Variants in RAP1GDS1 observed in about 807,000 individuals in gnomAD.
RAP1GDS1 encodes Rap1 GTPase-GDP dissociation stimulator 1, also known as RAP1, GTP-GDP dissociation stimulator 1.
Under a neutral mutation model 71.1 loss-of-function variants are expected in RAP1GDS1, and 35 were observed. The observed-to-expected ratio is 0.49, with a 90% confidence interval of 0.38 to 0.65. The LOEUF is 0.65. Among genes scored for constraint, RAP1GDS1 ranks in the 30% least tolerant of loss-of-function variants. RAP1GDS1 has a pLI of 0.00. For missense variants in RAP1GDS1, 663 were observed against 706.1 expected (o/e 0.94, Z 0.69); for synonymous variants, 229 against 243.1 (o/e 0.94, Z 0.54).
chr4:98,306,580 A>G (rs1415469119), intron 2 of RAP1GDS1, among the ~76,000 whole-genome samples: 1 of 152,230 alleles, frequency 6.6e-6, no homozygotes, highest in Non-Finnish European at 1.5e-5. Flanking sequence ...AGACATGTAA[A>G]TTGGCATTTT....
intron 5 of RAP1GDS1, among the ~76,000 whole-genome samples, chr4:98,389,251 T>TC (rs1223229070): frequency 6.6e-6 from 1 of 152,186 alleles, no homozygotes; most frequent in Admixed American, 6.5e-5. Flanking sequence ...GAGGCCTCTT[T>TC]CTTTGTCCAT....
chr4:98,402,788 C>CA (rs1278546897), intron 6 of RAP1GDS1, among the ~76,000 whole-genome samples: 1 of 152,168 alleles, frequency 6.6e-6, no homozygotes, highest in African/African-American at 2.4e-5. Context: ...TCATTTTGGA[C>CA]ACCTGCTTTA....
chr4:98,428,720 G>C (rs144817469), intron 12 of RAP1GDS1, among the ~76,000 whole-genome samples: 9 of 152,250 alleles, frequency 5.9e-5, no homozygotes, highest in African/African-American at 2.2e-4. Flanking sequence ...AGTGAATAGG[G>C]AATACTTCTA....
chr4:98,279,065 A>G (rs972466795), intron 1 of RAP1GDS1, among the ~76,000 whole-genome samples: 2 of 152,136 alleles, frequency 1.3e-5, no homozygotes, highest in South Asian at 4.1e-4. Flanking sequence ...TACTAAAAAT[A>G]CAAAAAAAAT....
In RAP1GDS1 at chr4:98,308,295, CACTATA is replaced by C. The variant is rs1345020679; in HGVS notation, c.112+14781_112+14786del. On this transcript the variant is annotated intron_variant, in intron 2 of 14. Coordinates refer to ENST00000408927, the MANE Select transcript of RAP1GDS1 (RefSeq NM_001100427.2). ...CCACACACATATATATACACACACA[CACTATA>C]TATATATATATATATATATATATAT... is the stretch of plus-strand genomic sequence containing the variant. 4.8e-3 allele frequency among the ~76,000 whole-genome samples: 349 copies of C among 72,102 alleles called. 2 individuals carry two copies. Among genetic ancestry groups the C allele is most frequent in the African/African-American group, 0.02 (339 of 16,762 alleles). The allele number at this position is 72,102 out of a possible 152,430, so 47.3% of individuals were successfully genotyped here.
intron 12 of RAP1GDS1, among the ~76,000 whole-genome samples, chr4:98,427,736 C>A (rs976171220): frequency 8.5e-5 from 13 of 152,062 alleles, no homozygotes; most frequent in African/African-American, 3.1e-4. Context: ...GAAAACACAT[C>A]CAATGCTCAC....
chr4:98,395,041 G>GA (rs1270075441), intron 6 of RAP1GDS1, among the ~76,000 whole-genome samples: 1 of 152,044 alleles, frequency 6.6e-6, no homozygotes, highest in Non-Finnish European at 1.5e-5. Context: ...TCTGGCTTTT[G>GA]AAAAATACAG....
At chr4:98,363,478 C>CAAAAAAAAAAAAAAAAAAAAAAAA (rs34393905) in intron 4 of RAP1GDS1, among the ~76,000 whole-genome samples, 12 of 37,734 alleles carry the variant, frequency 3.2e-4, no homozygotes, top group African/African-American at 1.2e-3. Flanking sequence ...GACCCTGTCT[C>CAAAAAAAAAAAAAAAAAAAAAAAA]AAAAAAAAAA....
At chr4:98,335,207 G>T (rs999512477) in intron 2 of RAP1GDS1, among the ~76,000 whole-genome samples, 2 of 152,034 alleles carry the variant, frequency 1.3e-5, no homozygotes, top group Non-Finnish European at 2.9e-5. Context: ...GGTATGTCAG[G>T]ACTGTTGTTT....
intron 7 of RAP1GDS1, among the ~76,000 whole-genome samples, chr4:98,411,799 T>A (rs1747103013): frequency 6.6e-6 from 1 of 152,082 alleles, no homozygotes; most frequent in Admixed American, 6.6e-5. Flanking sequence ...CGAAGGAGAG[T>A]GATTTCAGCA....
At chr4:98,343,395 C>T in intron 3 of RAP1GDS1, 134 bp downstream of exon 3, 2 of 1,138,806 alleles carry the variant, frequency 1.8e-6, no homozygotes, top group Non-Finnish European at 2.5e-6. Context: ...TTTTGTTTGA[C>T]TCTTCATGTA....
intron 14 of RAP1GDS1, among the ~76,000 whole-genome samples, chr4:98,439,516 A>G (rs574554313): frequency 6.6e-6 from 1 of 152,128 alleles, no homozygotes; most frequent in Admixed American, 6.5e-5. Flanking sequence ...GCCCCATTCT[A>G]TCCACTCTTT....
chr4:98,366,124 C>T (rs1435421470), intron 4 of RAP1GDS1, among the ~76,000 whole-genome samples: 1 of 152,192 alleles, frequency 6.6e-6, no homozygotes, highest in Non-Finnish European at 1.5e-5. Flanking sequence ...GCTACATCCT[C>T]ACCCAAATCT....
chr4:98,414,800 C>T (rs2110177920), intron 7 of RAP1GDS1, among the ~76,000 whole-genome samples: 1 of 152,138 alleles, frequency 6.6e-6, no homozygotes, highest in East Asian at 1.9e-4. Flanking sequence ...TGTAAATTAC[C>T]TTGGGTAGTA....
chr4:98,323,356 G>C (rs1732317817), intron 2 of RAP1GDS1, among the ~76,000 whole-genome samples: 1 of 139,558 alleles, frequency 7.2e-6, no homozygotes, highest in South Asian at 2.3e-4. Flanking sequence ...AGGAGGAACT[G>C]GTACCATTCC....
At chr4:98,441,565 T>G in intron 14 of RAP1GDS1, 1 of 984,896 alleles carries the variant, frequency 1.0e-6, no homozygotes, top group Non-Finnish European at 1.2e-6. Flanking sequence ...ATTATTGTAA[T>G]TAATCTTACA....
At chr4:98,304,981 T>C (rs1007138406) in intron 2 of RAP1GDS1, among the ~76,000 whole-genome samples, 2 of 152,026 alleles carry the variant, frequency 1.3e-5, no homozygotes, top group South Asian at 4.1e-4. Context: ...TGGTTCTAGA[T>C]GTGTGGTCTT....
At chr4:98,367,777 C>T (rs1190962635) in intron 4 of RAP1GDS1, among the ~76,000 whole-genome samples, 1 of 152,152 alleles carries the variant, frequency 6.6e-6, no homozygotes, top group African/African-American at 2.4e-5. Flanking sequence ...GCCAGTGCCT[C>T]CCATTTGGAA....
chr4:98,371,866 ATATTCT>A (rs1442750646), intron 4 of RAP1GDS1, among the ~76,000 whole-genome samples: 1 of 152,114 alleles, frequency 6.6e-6, no homozygotes, highest in Non-Finnish European at 1.5e-5. Context: ...ATATTATTTA[ATATTCT>A]TAAAGTGGGT....
Sources: gnomAD v4.1 joint callset for allele counts (sites outside exome capture counted in the v4.1 genomes callset) on GRCh38, gnomAD v4.1.1 for gene constraint, MANE v1.5 for transcripts, NCBI Gene and HGNC (gene_info 2026-07-23, HGNC 2026-07-21) for gene names.